FRMD4B: variants seen among roughly 807,000 people sequenced by gnomAD.
The protein encoded by FRMD4B is FERM domain-containing protein 4B.
A neutral mutation model predicts 141.5 loss-of-function variants in FRMD4B; 74 were observed. That is an observed-to-expected ratio of 0.52 (90% confidence interval 0.43 to 0.63). The LOEUF (loss-of-function observed/expected upper bound fraction) is 0.63. Among genes scored for constraint, FRMD4B ranks in the 30% least tolerant of loss-of-function variants. FRMD4B has a pLI of 0.00. For synonymous variants in FRMD4B, 506 were observed against 467.9 expected, an observed-to-expected ratio of 1.08 and a Z score of -1.05; for missense variants, 1,366 against 1,253.4, an observed-to-expected ratio of 1.09 and a Z score of -1.36.
intron 1 of FRMD4B, among the ~76,000 whole-genome samples, chr3:69,457,670 T>C (rs560382202): frequency 1.2e-5 from 1 of 84,904 alleles, no homozygotes; most frequent in Non-Finnish European, 3.1e-5. Flanking sequence ...TATTAAAAAA[T>C]TTTTTAAAGT....
At chr3:69,420,620 A>G (rs1704958556) in intron 2 of FRMD4B, among the ~76,000 whole-genome samples, 1 of 152,214 alleles carries the variant, frequency 6.6e-6, no homozygotes, top group African/African-American at 2.4e-5. Context: ...TGGGGTTGGT[A>G]AACAAGATTA....
Position 69,262,978 on chromosome 3 carries a change from G to T in FRMD4B, c.502-12879C>A, listed in dbSNP as rs145535923. On this transcript the variant is annotated intron_variant, in intron 5 of 22. Transcript: ENST00000398540. The stretch of plus-strand genomic sequence containing the variant: ...GAAATGCTGTTAAAAGCAATTGTAG[G>T]CTGGGCACGGTGGCTCACGCCTGTC... 2.3e-3 allele frequency among the ~76,000 whole-genome samples: 356 copies of T among 152,170 alleles called. 1 individual carries two copies. The highest frequency in any genetic ancestry group is 8.3e-3 in the African/African-American group (345 of 41,536).
chr3:69,516,052 C>G (rs1021406423), intron 1 of FRMD4B, among the ~76,000 whole-genome samples: 1 of 151,948 alleles, frequency 6.6e-6, no homozygotes, highest in Admixed American at 6.6e-5. Flanking sequence ...AAGAGAGACT[C>G]CATCTCTACA....
At chr3:69,496,619 G>GAGAGAGAGAGAGAGAC (rs1559545551) in intron 1 of FRMD4B, among the ~76,000 whole-genome samples, 1 of 120,200 alleles carries the variant, frequency 8.3e-6, no homozygotes, top group Non-Finnish European at 1.8e-5. Flanking sequence ...GAGTGAGAGA[G>GAGAGAGAGAGAGAGAC]AGAGAGAGAG....
chr3:69,330,604 CAA>C (rs1702335442), intron 1 of FRMD4B, among the ~76,000 whole-genome samples: 1 of 151,528 alleles, frequency 6.6e-6, no homozygotes, highest in Non-Finnish European at 1.5e-5. Flanking sequence ...CTCAGCCTCC[CAA>C]AGTTCTGGGA....
At chr3:69,176,026 C>T (rs140832068) in intron 22 of FRMD4B, among the ~76,000 whole-genome samples, 4,847 of 152,082 alleles carry the variant, frequency 0.032, 198 homozygotes, top group African/African-American at 0.096. Flanking sequence ...ATGATCCGCC[C>T]GCCTCGGCCT....
At chr3:69,262,623 C>T (rs1341041965) in intron 5 of FRMD4B, among the ~76,000 whole-genome samples, 5 of 150,936 alleles carry the variant, frequency 3.3e-5, no homozygotes, top group Admixed American at 2.0e-4. Context: ...CCGCGCCTGG[C>T]TAATTTTGTA....
intron 1 of FRMD4B, among the ~76,000 whole-genome samples, chr3:69,507,318 T>C (rs1209288643): frequency 6.6e-6 from 1 of 152,192 alleles, no homozygotes; most frequent in Non-Finnish European, 1.5e-5. Context: ...ACTATTGATT[T>C]CAAGTTCTAA....
At chr3:69,476,522 G>A (rs1307367260) in intron 1 of FRMD4B, among the ~76,000 whole-genome samples, 1 of 152,046 alleles carries the variant, frequency 6.6e-6, no homozygotes, top group Non-Finnish European at 1.5e-5. Flanking sequence ...GTAGATATGT[G>A]GCATTATTTC....
chr3:69,511,029 T>A (rs1259002644), intron 1 of FRMD4B, among the ~76,000 whole-genome samples: 1 of 152,216 alleles, frequency 6.6e-6, no homozygotes, highest in Non-Finnish European at 1.5e-5. Flanking sequence ...CTCATAAAGA[T>A]TTCTCAGAAC....
chr3:69,176,410 C>G, intron 22 of FRMD4B, 114 bp downstream of exon 22: 17 of 810,570 alleles, frequency 2.1e-5, no homozygotes, highest in Non-Finnish European at 6.1e-6. Context: ...AGTTGGCCCA[C>G]AGGCTAGAGT....
At chr3:69,336,950 C>T (rs1410979052) in intron 1 of FRMD4B, among the ~76,000 whole-genome samples, 1 of 151,948 alleles carries the variant, frequency 6.6e-6, no homozygotes, top group African/African-American at 2.4e-5. Flanking sequence ...TCTCAAAAAA[C>T]AAAAACAAAC....
intron 1 of FRMD4B, among the ~76,000 whole-genome samples, chr3:69,499,149 T>C (rs1230374058): frequency 1.3e-5 from 2 of 152,036 alleles, no homozygotes; most frequent in Admixed American, 1.3e-4. Context: ...TTGGCAGACT[T>C]TACAACAGGA....
chr3:69,249,225 C>T lies in FRMD4B; in HGVS notation c.581+1G>A, dbSNP rs2093445734. 5 of 1,563,050 alleles carry T rather than the reference C, an allele frequency of 3.2e-6. No homozygotes were observed. In the Admixed American group the frequency reaches 5.2e-5, roughly 16 times the overall value. On this transcript the variant is annotated splice_donor_variant, in intron 7 of 22. Transcript: ENST00000398540. LOFTEE classifies it high-confidence loss of function. Reference sequence around the variant, plus strand: ...GTAATATCAGAAAAGAAAAGCATTACCTGGTATAATCTCCCTTGGCTTCCT... The same window carrying T: ...GTAATATCAGAAAAGAAAAGCATTATCTGGTATAATCTCCCTTGGCTTCCT...
chr3:69,240,482 CAAAAAAAA>C (rs11344881), intron 7 of FRMD4B, among the ~76,000 whole-genome samples: 1 of 72,436 alleles, frequency 1.4e-5, no homozygotes, highest in Non-Finnish European at 2.4e-5. Flanking sequence ...GACTCTGTCT[CAAAAAAAA>C]AAAAAAAAAA....
intron 1 of FRMD4B, among the ~76,000 whole-genome samples, chr3:69,533,888 C>A (rs1701041519): frequency 6.6e-6 from 1 of 152,182 alleles, no homozygotes; most frequent in African/African-American, 2.4e-5. Flanking sequence ...TTCACATCTC[C>A]TCTTCCTAAC....
chr3:69,496,897 G>GT (rs35533037), intron 1 of FRMD4B, among the ~76,000 whole-genome samples: 88,826 of 149,524 alleles, frequency 0.59, 28,094 homozygotes, highest in African/African-American at 0.85. Flanking sequence ...TGCTATGGTA[G>GT]TTTTTTTTTT....
At chr3:69,405,373 A>T (rs558958181) in intron 2 of FRMD4B, among the ~76,000 whole-genome samples, 227 of 152,340 alleles carry the variant, frequency 1.5e-3, no homozygotes, top group African/African-American at 5.0e-3. Context: ...ATGGGCAAGG[A>T]TGCTGATTGA....
chr3:69,400,403 C>A (rs1704544062), intron 2 of FRMD4B, among the ~76,000 whole-genome samples: 2 of 151,850 alleles, frequency 1.3e-5, no homozygotes, highest in South Asian at 2.1e-4. Context: ...AAAAAGTGTA[C>A]CATTTAGAAG....
Sources: gnomAD v4.1 joint callset for allele counts (sites outside exome capture counted in the v4.1 genomes callset) on GRCh38, gnomAD v4.1.1 for gene constraint, MANE v1.5 for transcripts, NCBI Gene and HGNC (gene_info 2026-07-23, HGNC 2026-07-21) for gene names.